RAPGEF2: variants seen among roughly 807,000 people sequenced by gnomAD.
RAPGEF2 encodes the protein PDZ domain containing guanine nucleotide exchange factor (GEF) 1.
A neutral mutation model predicts 186.7 loss-of-function variants in RAPGEF2; 54 were observed. The observed-to-expected ratio is 0.29, with a 90% CI of 0.23 to 0.36. RAPGEF2 has a LOEUF of 0.36. Ranked by LOEUF, RAPGEF2 falls within the 10% of genes least tolerant of loss-of-function variation. The probability of loss-of-function intolerance (pLI) is 1.00; values close to 1 mark genes in which losing one functional copy is unlikely to be tolerated. For synonymous variants in RAPGEF2, 712 were observed against 705.9 expected (o/e 1.01, Z -0.14); for missense variants, 1,532 against 2,045.0 (o/e 0.75, Z 4.84).
chr4:159,326,406 C>A (rs559271413), intron 11 of RAPGEF2, among the ~76,000 whole-genome samples: 1 of 152,130 alleles, frequency 6.6e-6, no homozygotes, highest in Admixed American at 6.5e-5. Context: ...GCTATCTTTA[C>A]CAAGAAAAAA....
At chr4:159,148,141 A>G (rs994202886) in intron 1 of RAPGEF2, among the ~76,000 whole-genome samples, 2 of 152,210 alleles carry the variant, frequency 1.3e-5, no homozygotes, top group African/African-American at 4.8e-5. Flanking sequence ...TATTAGATCT[A>G]TATCAAAAAT....
At chr4:159,278,794 GT>G (rs1421686680) in intron 7 of RAPGEF2, among the ~76,000 whole-genome samples, 1 of 152,198 alleles carries the variant, frequency 6.6e-6, no homozygotes, top group Non-Finnish European at 1.5e-5. Context: ...AGGTAATACG[GT>G]TGTGTGAAGA....
chr4:159,160,094 CTT>C (rs1306033730), intron 1 of RAPGEF2, among the ~76,000 whole-genome samples: 1 of 152,184 alleles, frequency 6.6e-6, no homozygotes, highest in Non-Finnish European at 1.5e-5. Context: ...AAGAAGCTAT[CTT>C]TGTTCAACAT....
chr4:159,330,397 A>G lies in RAPGEF2; in HGVS notation c.1366A>G (p.Ile456Val). 1 of 1,605,640 alleles carries G rather than the reference A, an allele frequency of 6.2e-7. No homozygotes were observed. The highest frequency in any genetic ancestry group is 8.5e-7 in the Non-Finnish European group (1 of 1,177,926). Reference protein sequence around the residue: ...EEHSVVDPTFIEDFLLTYRTF... With the variant: ...EEHSVVDPTFVEDFLLTYRTF... ...GCATTCAGTAGTAGATCCAACATTC[A>G]TAGAAGACTTTCTGTTGACCTATAG... Residue 456 changes from isoleucine (I) to valine (V), a missense_variant, in exon 13 of 30, where the codon ATA becomes GTA. Physicochemically the swap from Ile to Val is conservative, Grantham distance 29 (BLOSUM62 3). Coordinates refer to ENST00000691494, the MANE Select transcript of RAPGEF2 (RefSeq NM_001394067.2).
chr4:159,241,882 C>T (rs1656950118), intron 6 of RAPGEF2, among the ~76,000 whole-genome samples: 1 of 151,786 alleles, frequency 6.6e-6, no homozygotes, highest in Admixed American at 6.6e-5. Flanking sequence ...CTTTTTATAC[C>T]TTTATGAGAA....
At chr4:159,287,070 C>T (rs1206926987) in intron 7 of RAPGEF2, among the ~76,000 whole-genome samples, 1 of 151,846 alleles carries the variant, frequency 6.6e-6, no homozygotes, top group East Asian at 1.9e-4. Context: ...GTATAGGCAA[C>T]ATGTCAGTAA....
At chr4:159,336,200 C>T (rs1197130043) in intron 17 of RAPGEF2, among the ~76,000 whole-genome samples, 1 of 150,864 alleles carries the variant, frequency 6.6e-6, no homozygotes, top group African/African-American at 2.4e-5. Context: ...TTGGGGTACA[C>T]GTGGTTTTTT....
At chr4:159,310,685 C>T (rs1293539391) in intron 8 of RAPGEF2, among the ~76,000 whole-genome samples, 1 of 152,046 alleles carries the variant, frequency 6.6e-6, no homozygotes, top group Non-Finnish European at 1.5e-5. Context: ...CTATGTTAGT[C>T]AGTACCTGTA....
chr4:159,260,915 A>AT (rs773408038), intron 7 of RAPGEF2, among the ~76,000 whole-genome samples: 55 of 151,984 alleles, frequency 3.6e-4, no homozygotes, highest in Non-Finnish European at 6.5e-4. Context: ...TGCCCGGCTA[A>AT]TTTTTTGTAT....
chr4:159,123,739 C>G (rs184613621), intron 1 of RAPGEF2, among the ~76,000 whole-genome samples: 4 of 151,978 alleles, frequency 2.6e-5, no homozygotes, highest in South Asian at 2.1e-4. Context: ...AGGATGGTCT[C>G]GATCTCCTGA....
intron 7 of RAPGEF2, among the ~76,000 whole-genome samples, chr4:159,300,916 T>C (rs1762584951): frequency 2.6e-5 from 4 of 152,336 alleles, no homozygotes; most frequent in Admixed American, 2.0e-4. Flanking sequence ...ATGGTTTGTT[T>C]GCCTCCTAGA....
chr4:159,221,048 G>T (rs747959541), intron 4 of RAPGEF2, among the ~76,000 whole-genome samples: 4 of 152,194 alleles, frequency 2.6e-5, no homozygotes, highest in Non-Finnish European at 5.9e-5. Flanking sequence ...AATTGATATT[G>T]TTCGACCCTT....
chr4:159,215,638 A>G (rs986042665), intron 4 of RAPGEF2, among the ~76,000 whole-genome samples: 4 of 152,234 alleles, frequency 2.6e-5, no homozygotes, highest in Admixed American at 2.6e-4. Context: ...TTTAATAGAA[A>G]TAGTCATGTG....
chr4:159,217,990 A>G (rs1024409771), intron 4 of RAPGEF2, among the ~76,000 whole-genome samples: 3 of 152,236 alleles, frequency 2.0e-5, no homozygotes, highest in Non-Finnish European at 4.4e-5. Context: ...GTAAAGAGCT[A>G]TATAGGATTA....
chr4:159,184,638 A>T (rs1747372154), intron 1 of RAPGEF2, among the ~76,000 whole-genome samples: 1 of 152,136 alleles, frequency 6.6e-6, no homozygotes, highest in South Asian at 2.1e-4. Context: ...GATTCTGGAT[A>T]TTAGCCCTTT....
intron 1 of RAPGEF2, among the ~76,000 whole-genome samples, chr4:159,129,252 T>G (rs1740733936): frequency 6.6e-6 from 1 of 152,154 alleles, no homozygotes; most frequent in African/African-American, 2.4e-5. Context: ...GCAATATTAA[T>G]GAATCTTTAT....
intron 11 of RAPGEF2, 115 bp from the exon 12 acceptor site, chr4:159,329,743 A>T: frequency 3.8e-6 from 3 of 782,472 alleles, no homozygotes; most frequent in Non-Finnish European, 5.9e-6. Context: ...TTTAGAAAGT[A>T]TGGGAAAGAC....
At chr4:159,167,916 T>C (rs1430456316) in intron 1 of RAPGEF2, among the ~76,000 whole-genome samples, 1 of 152,232 alleles carries the variant, frequency 6.6e-6, no homozygotes, top group Non-Finnish European at 1.5e-5. Context: ...ACAAGTATTG[T>C]TGTCTTTGAT....
intron 29 of RAPGEF2, among the ~76,000 whole-genome samples, chr4:159,357,211 A>G (rs765843063): frequency 6.6e-6 from 1 of 152,150 alleles, no homozygotes; most frequent in Admixed American, 6.5e-5. Flanking sequence ...TATTTTTCAA[A>G]TGACCCAGGC....
Sources: gnomAD v4.1 joint callset for allele counts (sites outside exome capture counted in the v4.1 genomes callset) on GRCh38, gnomAD v4.1.1 for gene constraint, MANE v1.5 for transcripts, NCBI Gene and HGNC (gene_info 2026-07-23, HGNC 2026-07-21) for gene names.